Variants in AGAP1 observed in about 807,000 individuals in gnomAD.
The protein encoded by AGAP1 is ArfGAP with GTPase domain, ankyrin repeat and PH domain 1, also known as arf-GAP with GTPase, ANK repeat and PH domain-containing protein 1.
Under a neutral mutation model 105.3 loss-of-function variants are expected in AGAP1, and 29 were observed. The observed-to-expected ratio is 0.28, with a 90% CI of 0.21 to 0.38. The LOEUF is 0.38. Among genes scored for constraint, AGAP1 ranks in the 10% least tolerant of loss-of-function variants. The pLI is 1.00. For missense variants in AGAP1, 998 were observed against 1,165.1 expected (o/e 0.86, Z 2.09); for synonymous variants, 509 against 485.9 (o/e 1.05, Z -0.63).
At chr2:235,568,958 A>G (rs900463467) in intron 1 of AGAP1, among the ~76,000 whole-genome samples, 3 of 152,158 alleles carry the variant, frequency 2.0e-5, no homozygotes, top group East Asian at 3.9e-4. Context: ...ACCCACCTGG[A>G]TAGTTCAAGA....
chr2:235,661,540 G>A (rs959757125), intron 1 of AGAP1, among the ~76,000 whole-genome samples: 4 of 144,448 alleles, frequency 2.8e-5, no homozygotes, highest in Admixed American at 6.6e-5. Flanking sequence ...GGGGTGGGGG[G>A]GCTGTAGGAT....
chr2:235,603,218 G>A (rs749665927), intron 1 of AGAP1, among the ~76,000 whole-genome samples: 19 of 151,980 alleles, frequency 1.3e-4, no homozygotes, highest in Admixed American at 8.5e-4. Flanking sequence ...CTCGGCTCTC[G>A]TCTCTCTCTT....
intron 9 of AGAP1, among the ~76,000 whole-genome samples, chr2:235,846,127 T>C (rs1446572332): frequency 6.6e-6 from 1 of 152,184 alleles, no homozygotes; most frequent in Non-Finnish European, 1.5e-5. Flanking sequence ...CCATAAGTCA[T>C]TGAGTTTGAA....
chr2:236,054,857 G>A (rs767583294), intron 16 of AGAP1, among the ~76,000 whole-genome samples: 8 of 152,082 alleles, frequency 5.3e-5, no homozygotes, highest in African/African-American at 9.7e-5. Flanking sequence ...TGCCCCTGCC[G>A]CCACTGCCGG....
In AGAP1 at chr2:235,723,296, A is replaced by G. The variant is rs1420587093; in HGVS notation, c.310+5652A>G. ...ATGTGACTTCCCTCGTGGTGTGTTT[A>G]TGTGCTTAATATTCAGCGTCCCCCA... On this transcript the variant is annotated intron_variant, in intron 3 of 17. Transcript: ENST00000304032. The surrounding 1 kb of genome is among the most constrained non-coding windows in gnomAD (Gnocchi z 6.2). 1.3e-5 allele frequency among the ~76,000 whole-genome samples: 2 copies of G among 152,158 alleles called. No individual in the cohort carries two copies. Among genetic ancestry groups the G allele is most frequent in the Non-Finnish European group, 2.9e-5 (2 of 68,026 alleles).
Position 236,076,089 on chromosome 2 carries a change from A to G in AGAP1, c.2114+26808A>G, listed in dbSNP as rs1464152100. Reference sequence around the variant, plus strand: ...CTGTCATAACAGTCCTCCTTCAGAGACACCCCTCAATCAGATCTAGGAATT... The same window carrying G: ...CTGTCATAACAGTCCTCCTTCAGAGGCACCCCTCAATCAGATCTAGGAATT... On this transcript the variant is annotated intron_variant, in intron 16 of 17. Transcript: ENST00000304032. This position sits in a 1 kb window ranked among gnomAD's most constrained non-coding sequence, Gnocchi z 4.4. Among the ~76,000 whole-genome samples, 1 of 152,204 alleles carries G rather than the reference A, an allele frequency of 6.6e-6. No individual in the cohort carries two copies. The highest frequency in any genetic ancestry group is 1.5e-5 in the Non-Finnish European group (1 of 68,026).
intron 1 of AGAP1, among the ~76,000 whole-genome samples, chr2:235,527,782 A>G (rs1559225280): frequency 1.3e-5 from 2 of 152,192 alleles, no homozygotes; most frequent in African/African-American, 4.8e-5. Context: ...TTCAAGGTGC[A>G]GTGTTTTAGT....
At position 235,729,724 on chromosome 2, in the gene AGAP1, C is replaced by T. The variant is rs1200094158; in HGVS notation, c.311-11239C>T. Among the ~76,000 whole-genome samples, 2 of 152,050 alleles carry T rather than the reference C, an allele frequency of 1.3e-5. No homozygotes were observed. Among genetic ancestry groups the T allele is most frequent in the African/African-American group, 2.4e-5 (1 of 41,336 alleles). The stretch of plus-strand genomic sequence containing the variant: ...ATTACAAATGCGTTTTCCAGAGTCC[C>T]CAGAGAAAAAGGAGTCTGGCAGTTA... On this transcript the variant is annotated intron_variant, in intron 3 of 17. Transcript: ENST00000304032. This position sits in a 1 kb window ranked among gnomAD's most constrained non-coding sequence, Gnocchi z 5.0.
At chr2:235,759,335 ATT>A (rs1053272004) in intron 6 of AGAP1, among the ~76,000 whole-genome samples, 1 of 150,648 alleles carries the variant, frequency 6.6e-6, no homozygotes, top group Admixed American at 6.6e-5. Context: ...CGCCCGGCTA[ATT>A]TTTTTGTATT....
chr2:235,882,953 C>A lies in AGAP1; in HGVS notation c.1051-392C>A, dbSNP rs1347093542. Among the ~76,000 whole-genome samples, 1 of 152,132 alleles carries A rather than the reference C, an allele frequency of 6.6e-6. No homozygotes were observed. Among genetic ancestry groups the A allele is most frequent in the Non-Finnish European group, 1.5e-5 (1 of 68,034 alleles). ...TCAACCCCCCACGTAACTGGGATTA[C>A]AGAAGCACACCACCGTGCCCAGCTA... On this transcript the variant is annotated intron_variant, in intron 9 of 17. Coordinates refer to ENST00000304032, the MANE Select transcript of AGAP1 (RefSeq NM_001037131.3). The surrounding 1 kb of genome is among the most constrained non-coding windows in gnomAD (Gnocchi z 4.6).
chr2:235,595,728 T>C (rs993179811), intron 1 of AGAP1, among the ~76,000 whole-genome samples: 2 of 152,176 alleles, frequency 1.3e-5, no homozygotes, highest in Admixed American at 1.3e-4. Flanking sequence ...GGCACAAATA[T>C]TTATAGCCGA....
rs1949627362 is a variant in AGAP1, at chr2:235,689,358, A to G, written c.164-19821A>G. Among the ~76,000 whole-genome samples the G allele has an allele frequency of 6.6e-6, 1 of 152,356 alleles. No homozygotes were observed. Among genetic ancestry groups the G allele is most frequent in the South Asian group, 2.1e-4 (1 of 4,832 alleles). On this transcript the variant is annotated intron_variant, in intron 1 of 17. Transcript: ENST00000304032. The surrounding 1 kb of genome is among the most constrained non-coding windows in gnomAD (Gnocchi z 4.2). ...GCCTGGAGTGAGCCTGCTGCTGTTC[A>G]TCGGCCCGTAGGGTCTCCAGCACAA...
In AGAP1 at chr2:236,080,722, G is replaced by A. The variant is rs2058758787; in HGVS notation, c.2114+31441G>A. On this transcript the variant is annotated intron_variant, in intron 16 of 17. Transcript: ENST00000304032. The surrounding 1 kb of genome is among the most constrained non-coding windows in gnomAD (Gnocchi z 4.2). The stretch of plus-strand genomic sequence containing the variant: ...CAGAAGTCCAAGCTGGGTCTGCATG[G>A]TTTCATTCCTTCTAGAGGCTGTGAG... Among the ~76,000 whole-genome samples the A allele has an allele frequency of 6.6e-6, 1 of 152,100 alleles. No individual in the cohort carries two copies. Among genetic ancestry groups the A allele is most frequent in the Admixed American group, 6.5e-5 (1 of 15,272 alleles).
chr2:235,900,845 G>T lies in AGAP1; in HGVS notation c.1156-7893G>T. ...GCTGGTCACTGTCATGCACTTACAA[G>T]CATGGGTCAGGTAGTCTTCAGGAAC... On this transcript the variant is annotated intron_variant, in intron 10 of 17. Transcript: ENST00000304032. The surrounding 1 kb of genome is among the most constrained non-coding windows in gnomAD (Gnocchi z 5.5). Among the ~76,000 whole-genome samples, 1 of 152,224 alleles carries T rather than the reference G, an allele frequency of 6.6e-6. No homozygotes were observed. The highest frequency in any genetic ancestry group is 1.9e-4 in the East Asian group (1 of 5,196).
rs187724306 is a variant in AGAP1, at chr2:235,928,776, C to T, written c.1325-1989C>T. ...GCACACAATACCCAGAGGACAGCCA[C>T]AGGGTGGCTTCGATGGTGGCACGTG... On this transcript the variant is annotated intron_variant, in intron 11 of 17. Transcript: ENST00000304032. Among the ~76,000 whole-genome samples, 5 of 152,292 alleles carry T rather than the reference C, an allele frequency of 3.3e-5. No individual in the cohort carries two copies. The East Asian group carries it at 9.7e-4, about 30-fold the overall frequency.
At chr2:235,816,896 A>G (rs1209344068) in intron 9 of AGAP1, among the ~76,000 whole-genome samples, 9 of 151,942 alleles carry the variant, frequency 5.9e-5, no homozygotes, top group Non-Finnish European at 1.2e-4. Flanking sequence ...AGAAAAAAAA[A>G]AAGATATCTA....
rs559683793 is a variant in AGAP1 at position 235,701,379 on chromosome 2, G to A, written c.164-7800G>A. 3.3e-5 allele frequency among the ~76,000 whole-genome samples: 5 copies of A among 152,186 alleles called. No homozygotes were observed. The highest frequency in any genetic ancestry group is 5.9e-5 in the Non-Finnish European group (4 of 68,014). On this transcript the variant is annotated intron_variant, in intron 1 of 17. Coordinates refer to ENST00000304032, the MANE Select transcript of AGAP1 (RefSeq NM_001037131.3). The surrounding 1 kb of genome is among the most constrained non-coding windows in gnomAD (Gnocchi z 4.1). ...GAGCCTTGGAATTGCAGGCAGTGGCGTGGATGTACCTGCAGGGGTGGGCAT... is the reference window on the plus strand; with the variant it reads ...GAGCCTTGGAATTGCAGGCAGTGGCATGGATGTACCTGCAGGGGTGGGCAT...
chr2:236,123,086 G>T lies in AGAP1; in HGVS notation c.2371-833G>T, dbSNP rs1207696930. Among the ~76,000 whole-genome samples, 2 of 151,064 alleles carry T rather than the reference G, an allele frequency of 1.3e-5. No individual in the cohort carries two copies. Among genetic ancestry groups the T allele is most frequent in the Admixed American group, 1.3e-4 (2 of 15,156 alleles). The stretch of plus-strand genomic sequence containing the variant: ...CTTGCATATGTCATGCTTTTTGAGG[G>T]GTGGGGAGACAGGGTCTCACTCTGT... On this transcript the variant is annotated intron_variant, in intron 17 of 17. Coordinates refer to ENST00000304032, the MANE Select transcript of AGAP1 (RefSeq NM_001037131.3). The surrounding 1 kb of genome is among the most constrained non-coding windows in gnomAD (Gnocchi z 4.6).
rs1553564109 is a variant in AGAP1 at position 236,078,035 on chromosome 2, A to AT, written c.2114+28757dup. On this transcript the variant is annotated intron_variant, in intron 16 of 17. Coordinates refer to ENST00000304032, the MANE Select transcript of AGAP1 (RefSeq NM_001037131.3). This position sits in a 1 kb window ranked among gnomAD's most constrained non-coding sequence, Gnocchi z 5.3. ...TCAGGGTTCTCCAGAGAAACAACCA[A>AT]TTTGTGTGTGTGTGTGTGTGTGTGT... 1.0e-5 allele frequency among the ~76,000 whole-genome samples: 1 copy of AT among 100,384 alleles called. No individual in the cohort carries two copies. The highest frequency in any genetic ancestry group is 3.9e-4 in the East Asian group (1 of 2,578). 65.9% of individuals were successfully genotyped at this position (100,384 alleles called of 152,430 possible). A position where few individuals can be genotyped will look rare whatever the true frequency, so the allele number is the denominator to read the frequency against.
Sources: allele counts gnomAD v4.1 joint callset (sites outside exome capture counted in the v4.1 genomes callset), GRCh38; gene constraint gnomAD v4.1.1; non-coding constraint Gnocchi (gnomAD v3.1); transcripts MANE v1.5; gene names NCBI Gene and HGNC (gene_info 2026-07-23, HGNC 2026-07-21).